The following MYH10 variants were observed in gnomAD, a reference collection of about 807,000 sequenced individuals.
MYH10 encodes myosin heavy chain 10.
A neutral mutation model predicts 257.8 loss-of-function variants in MYH10; 55 were observed. That is an observed-to-expected ratio of 0.21 (90% CI 0.17 to 0.27). The LOEUF is 0.27. Ranked by LOEUF, MYH10 falls within the 10% of genes least tolerant of loss-of-function variation. MYH10 has a pLI of 1.00. For missense variants in MYH10, 1,631 were observed against 2,500.6 expected (o/e 0.65, Z 7.42); for synonymous variants, 854 against 921.7 (o/e 0.93, Z 1.33).
chr17:8,486,561 A>C lies in MYH10; in HGVS notation c.5046+872T>G, dbSNP rs1459025876. Reference sequence around the variant, plus strand: ...TTAGCTTCAAAAAAAAAAAAAAAAAAAAAAAAAAAAAAAAAAAAATGGAAA... The same window carrying C: ...TTAGCTTCAAAAAAAAAAAAAAAAACAAAAAAAAAAAAAAAAAAATGGAAA... On this transcript the variant is annotated intron_variant, in intron 36 of 42. Transcript: ENST00000360416. Among the ~76,000 whole-genome samples, 9 of 4,066 alleles carry C rather than the reference A, an allele frequency of 2.2e-3. 1 individual carries two copies. Among genetic ancestry groups the C allele is most frequent in the Non-Finnish European group, 0.011 (8 of 744 alleles). 2.7% of individuals were successfully genotyped at this position (4,066 alleles called of 152,430 possible).
At chr17:8,582,922 C>T (rs1183406089) in intron 4 of MYH10, among the ~76,000 whole-genome samples, 2 of 152,168 alleles carry the variant, frequency 1.3e-5, no homozygotes, top group African/African-American at 4.8e-5. Flanking sequence ...GCTTGAAGTT[C>T]TTGTTTTAGA....
chr17:8,505,334 A>G (rs993718643), intron 27 of MYH10, among the ~76,000 whole-genome samples: 1 of 152,240 alleles, frequency 6.6e-6, no homozygotes, highest in Non-Finnish European at 1.5e-5. Context: ...CAAAGAACAC[A>G]GTAGAAGAAA....
chr17:8,493,371 G>T, intron 32 of MYH10, among the ~76,000 whole-genome samples: 1 of 151,322 alleles, frequency 6.6e-6, no homozygotes, highest in African/African-American at 2.4e-5. Flanking sequence ...AACTCAATTG[G>T]TTTTTGCCTT....
intron 7 of MYH10, among the ~76,000 whole-genome samples, chr17:8,566,301 TG>T (rs1213503251): frequency 1.3e-5 from 2 of 152,224 alleles, no homozygotes; most frequent in African/African-American, 4.8e-5. Flanking sequence ...TCCCCACCTC[TG>T]GTATTCACAG....
In MYH10 at chr17:8,506,068, G is replaced by A. The variant is rs1180438882; in HGVS notation, c.3386+250C>T. 3 of 412,102 alleles carry A rather than the reference G, an allele frequency of 7.3e-6. No homozygotes were observed. Among genetic ancestry groups the A allele is most frequent in the South Asian group, 6.5e-5 (1 of 15,500 alleles). 25.5% of individuals were successfully genotyped at this position (412,102 alleles called of 1,614,324 possible). A position where few individuals can be genotyped will look rare whatever the true frequency, so the allele number is the denominator to read the frequency against. On this transcript the variant is annotated intron_variant, in intron 27 of 42. Transcript: ENST00000360416. This position sits in a 1 kb window ranked among gnomAD's most constrained non-coding sequence, Gnocchi z 5.0. ...TTATAGTGAAATAATTTGTTCTGGT[G>A]TGAATTTCCAAGGGTTTCATAATAT... is the stretch of plus-strand genomic sequence containing the variant.
chr17:8,625,272 T>TAA (rs1317921937), intron 1 of MYH10, among the ~76,000 whole-genome samples: 2 of 151,936 alleles, frequency 1.3e-5, no homozygotes, highest in Non-Finnish European at 2.9e-5. Context: ...AAAATAAATT[T>TAA]AAAAAAATAA....
chr17:8,514,606 AG>A (rs2081405013), intron 21 of MYH10, among the ~76,000 whole-genome samples: 1 of 152,016 alleles, frequency 6.6e-6, no homozygotes, highest in Non-Finnish European at 1.5e-5. Flanking sequence ...ACTCTCCTTC[AG>A]GAACACAGAA....
chr17:8,530,357 T>A (rs556549850), intron 17 of MYH10, among the ~76,000 whole-genome samples: 1 of 152,322 alleles, frequency 6.6e-6, no homozygotes, highest in East Asian at 1.9e-4. Context: ...CTATAAGTGC[T>A]ATGCATAAAA....
chr17:8,517,321 T>G (rs1359858510), intron 21 of MYH10, among the ~76,000 whole-genome samples: 5 of 152,202 alleles, frequency 3.3e-5, no homozygotes, highest in Admixed American at 3.3e-4. Context: ...TAAAGCCCTC[T>G]TGACCACTAT....
chr17:8,569,617 G>T lies in MYH10; in HGVS notation c.756+103C>A. The T allele has an allele frequency of 2.5e-6, 2 of 797,026 alleles. No individual in the cohort carries two copies. Among genetic ancestry groups the T allele is most frequent in the Middle Eastern group, 3.8e-4 (1 of 2,662 alleles). The allele number at this position is 797,026 out of a possible 1,614,324, so 49.4% of individuals were successfully genotyped here. A position where few individuals can be genotyped will look rare whatever the true frequency, so the allele number is the denominator to read the frequency against. ...TATGTCTACAGAACTACATCTATTA[G>T]CTTCTTAAAATCTAGGAAGAAAAGT... On this transcript the variant is annotated intron_variant, in intron 7 of 42. Coordinates refer to ENST00000360416, the MANE Select transcript of MYH10 (RefSeq NM_001256012.3). This position sits in a 1 kb window ranked among gnomAD's most constrained non-coding sequence, Gnocchi z 4.1.
rs71361810 is a variant in MYH10, at chr17:8,610,271, C to CAAAAAAAAAAAAAAAAAAAAAAA, written c.346-5290_346-5289insTTTTTTTTTTTTTTTTTTTTTTT. Reference sequence around the variant, plus strand: ...GTTTATAGGGAGCACCATAGGATTGCAAAAAAAAAAAAAAAAAAAAAGGGT... The same window carrying CAAAAAAAAAAAAAAAAAAAAAAA: ...GTTTATAGGGAGCACCATAGGATTGCAAAAAAAAAAAAAAAAAAAAAAAAAAAAAAAAAAAAAAAAAAAAGGGT... On this transcript the variant is annotated intron_variant, in intron 2 of 42. Transcript: ENST00000360416. Among the ~76,000 whole-genome samples, 4 of 45,982 alleles carry CAAAAAAAAAAAAAAAAAAAAAAA rather than the reference C, an allele frequency of 8.7e-5. 1 individual carries two copies. The highest frequency in any genetic ancestry group is 7.1e-5 in the Non-Finnish European group (2 of 28,220). 30.2% of individuals were successfully genotyped at this position (45,982 alleles called of 152,430 possible).
chr17:8,499,817 A>G (rs946775157), intron 29 of MYH10, among the ~76,000 whole-genome samples: 1 of 152,100 alleles, frequency 6.6e-6, no homozygotes, highest in Admixed American at 6.5e-5. Context: ...ATTGTTTTAC[A>G]CTTACTAACA....
chr17:8,492,225 G>C, intron 34 of MYH10, 72 bp downstream of exon 34: 1 of 1,461,124 alleles, frequency 6.8e-7, no homozygotes, highest in Non-Finnish European at 9.4e-7. Flanking sequence ...GGAGTCGCCC[G>C]CTCCTGTGTG....
intron 3 of MYH10, among the ~76,000 whole-genome samples, chr17:8,595,962 C>T (rs1426056545): frequency 6.6e-6 from 1 of 152,122 alleles, no homozygotes; most frequent in Non-Finnish European, 1.5e-5. Flanking sequence ...TGACTTTAGA[C>T]TATGCTTTCT....
intron 28 of MYH10, among the ~76,000 whole-genome samples, chr17:8,502,029 C>T (rs1411534647): frequency 6.6e-6 from 1 of 152,164 alleles, no homozygotes; most frequent in Admixed American, 6.5e-5. Flanking sequence ...CCTGCTAAGA[C>T]CTATATTAGC....
At chr17:8,598,312 CTT>C (rs1238334912) in intron 3 of MYH10, among the ~76,000 whole-genome samples, 2 of 152,170 alleles carry the variant, frequency 1.3e-5, no homozygotes, top group African/African-American at 2.4e-5. Flanking sequence ...TCTATATACT[CTT>C]TGTCATTTCT....
At chr17:8,530,570 T>C in intron 17 of MYH10, 53 bp downstream of exon 17, 1 of 798,622 alleles carries the variant, frequency 1.3e-6, no homozygotes, top group Non-Finnish European at 1.7e-6. Context: ...ACGTTTTTCC[T>C]GTGGGCTTAA....
In MYH10 at chr17:8,480,098, A is replaced by G. The variant is rs376020372; in HGVS notation, c.5597+12T>C. The G allele has an allele frequency of 1.9e-4, 302 of 1,613,398 alleles. No homozygotes were observed. Among genetic ancestry groups the G allele is most frequent in the Admixed American group, 1.3e-3 (80 of 59,928 alleles). ...TGGTAAGTTTTGGTTTACGGTAGCA[A>G]AAACCTCTTACTTGGCTTCCTGCTC... is the stretch of plus-strand genomic sequence containing the variant. On this transcript the variant is annotated intron_variant, in intron 40 of 42. Coordinates refer to ENST00000360416, the MANE Select transcript of MYH10 (RefSeq NM_001256012.3).
At chr17:8,577,680 C>A (rs576021011) in intron 4 of MYH10, among the ~76,000 whole-genome samples, 5 of 152,176 alleles carry the variant, frequency 3.3e-5, no homozygotes, top group African/African-American at 4.8e-5. Flanking sequence ...TACATGCACA[C>A]ACCACCATGC....
Sources: allele counts gnomAD v4.1 joint callset (sites outside exome capture counted in the v4.1 genomes callset), GRCh38; gene constraint gnomAD v4.1.1; non-coding constraint Gnocchi (gnomAD v3.1); transcripts MANE v1.5; gene names NCBI Gene and HGNC (gene_info 2026-07-23, HGNC 2026-07-21).